The following SEMA3D variants were observed in gnomAD, a reference collection of about 807,000 sequenced individuals.
SEMA3D encodes semaphorin 3D.
SEMA3D carries 84 observed loss-of-function variants against 100.1 expected under a neutral mutation model. That is an observed-to-expected ratio of 0.84 (90% CI 0.70 to 1.01). The LOEUF is 1.01. Among genes scored for constraint, SEMA3D ranks in the 50% least tolerant of loss-of-function variants. The pLI is 0.00. For missense variants in SEMA3D, 875 were observed against 934.1 expected (o/e 0.94, Z 0.82); for synonymous variants, 312 against 320.7 (o/e 0.97, Z 0.29).
intron 9 of SEMA3D, among the ~76,000 whole-genome samples, chr7:85,053,953 A>C (rs2116067800): frequency 6.6e-6 from 1 of 151,772 alleles, no homozygotes; most frequent in Non-Finnish European, 1.5e-5. Context: ...GTGTGTGATG[A>C]GAAAACTCAT....
chr7:85,138,951 C>G (rs1211639686), intron 2 of SEMA3D, among the ~76,000 whole-genome samples: 2 of 151,854 alleles, frequency 1.3e-5, no homozygotes, highest in East Asian at 3.9e-4. Context: ...TGGACGTTCA[C>G]CTGGCAACAT....
chr7:85,072,255 T>A (rs899647581), intron 6 of SEMA3D, among the ~76,000 whole-genome samples: 5 of 152,202 alleles, frequency 3.3e-5, no homozygotes, highest in African/African-American at 1.2e-4. Context: ...TGACTCCTAA[T>A]TAATACATCC....
the SEMA3D span, among the ~76,000 whole-genome samples, chr7:85,227,513 A>T: frequency 2.6e-5 from 4 of 152,176 alleles, no homozygotes. Context: ...CCAGTACCTT[A>T]ATCTTGAATT....
chr7:85,109,407 A>G (rs10271522), intron 3 of SEMA3D, among the ~76,000 whole-genome samples: 3,203 of 152,034 alleles, frequency 0.021, 66 homozygotes, highest in South Asian at 0.081. Flanking sequence ...CTCTACTTAT[A>G]TTTCCACTGA....
chr7:85,126,407 GTGT>G, intron 2 of SEMA3D, among the ~76,000 whole-genome samples: 2 of 125,036 alleles, frequency 1.6e-5, no homozygotes, highest in African/African-American at 3.0e-5. Flanking sequence ...TGTGTGTCGT[GTGT>G]GTGTGTGTGT....
intron 2 of SEMA3D, among the ~76,000 whole-genome samples, chr7:85,128,426 C>A (rs370519772): frequency 6.6e-6 from 1 of 152,100 alleles, no homozygotes; most frequent in Middle Eastern, 3.2e-3. Flanking sequence ...GCCTCAGGCT[C>A]CCAAAGTGTT....
At chr7:85,060,245 A>C (rs1393482939) in intron 8 of SEMA3D, among the ~76,000 whole-genome samples, 1 of 152,222 alleles carries the variant, frequency 6.6e-6, no homozygotes, top group Non-Finnish European at 1.5e-5. Flanking sequence ...AAAAAGAGTT[A>C]GTGTCAAGTA....
intron 17 of SEMA3D, among the ~76,000 whole-genome samples, chr7:85,008,800 G>A (rs1252990623): frequency 6.6e-6 from 1 of 151,686 alleles, no homozygotes; most frequent in African/African-American, 2.4e-5. Context: ...CCACATTGGT[G>A]GCTGAGAAAA....
chr7:85,014,921 T>G, intron 16 of SEMA3D, 138 bp downstream of exon 16: 1 of 564,968 alleles, frequency 1.8e-6, no homozygotes, highest in Non-Finnish European at 2.8e-6. Context: ...TAAAACAACA[T>G]TTTGATTTTA....
intron 2 of SEMA3D, among the ~76,000 whole-genome samples, chr7:85,146,271 TTA>T (rs1790202242): frequency 6.6e-6 from 1 of 151,860 alleles, no homozygotes; most frequent in South Asian, 2.1e-4. Context: ...GTAAAAATCC[TTA>T]GCCAGGAGTG....
chr7:85,241,253 T>C, the SEMA3D span, among the ~76,000 whole-genome samples: 1 of 151,932 alleles, frequency 6.6e-6, no homozygotes, highest in Non-Finnish European at 1.5e-5. Flanking sequence ...TGGAAAACAG[T>C]ATAGTTTCCT....
chr7:85,148,156 A>G (rs995955127), intron 2 of SEMA3D, among the ~76,000 whole-genome samples: 1 of 152,220 alleles, frequency 6.6e-6, no homozygotes, highest in African/African-American at 2.4e-5. Context: ...ATAAGTAAAA[A>G]TTTGAATTTA....
intron 9 of SEMA3D, among the ~76,000 whole-genome samples, chr7:85,049,331 T>C (rs915852297): frequency 6.6e-6 from 1 of 151,524 alleles, no homozygotes; most frequent in African/African-American, 2.4e-5. Context: ...ACTAAGCAAA[T>C]AGAAGTGGAG....
rs915612073 is a variant in SEMA3D at position 85,066,263 on chromosome 7, G to C, written c.590-711C>G. 9.2e-5 allele frequency among the ~76,000 whole-genome samples: 14 copies of C among 151,860 alleles called. 1 individual carries two copies. Among genetic ancestry groups the C allele is most frequent in the Admixed American group, 9.2e-4 (14 of 15,220 alleles). ...CAAGGAGAAAAAGAGAGAGAAAGGAGAGAAGAACAAAGAAGACAGGAGAAG... is the reference window on the plus strand; with the variant it reads ...CAAGGAGAAAAAGAGAGAGAAAGGACAGAAGAACAAAGAAGACAGGAGAAG... On this transcript the variant is annotated intron_variant, in intron 7 of 18. Transcript: ENST00000284136.
At chr7:85,117,783 T>G (rs553305909) in intron 3 of SEMA3D, among the ~76,000 whole-genome samples, 87 of 147,978 alleles carry the variant, frequency 5.9e-4, no homozygotes, top group African/African-American at 2.2e-3. Context: ...TATGTATGTA[T>G]GTATGTATGT....
intron 3 of SEMA3D, among the ~76,000 whole-genome samples, chr7:85,102,702 T>G (rs750248236): frequency 1.3e-5 from 2 of 152,030 alleles, no homozygotes; most frequent in Non-Finnish European, 2.9e-5. Flanking sequence ...AGGAAGACTA[T>G]CCAGAGGTTC....
At chr7:85,090,628 T>C (rs1228200925) in intron 4 of SEMA3D, among the ~76,000 whole-genome samples, 1 of 152,184 alleles carries the variant, frequency 6.6e-6, no homozygotes, top group Non-Finnish European at 1.5e-5. Flanking sequence ...CACTATGTAA[T>C]AGACTTCTTA....
chr7:85,223,858 A>G, the SEMA3D span, among the ~76,000 whole-genome samples: 1 of 151,998 alleles, frequency 6.6e-6, no homozygotes, highest in South Asian at 2.1e-4. Context: ...AATCACCACT[A>G]ATGAACTTAT....
upstream of SEMA3D, among the ~76,000 whole-genome samples, chr7:85,187,457 T>A (rs1791592228): frequency 6.6e-6 from 1 of 152,146 alleles, no homozygotes; most frequent in Admixed American, 6.5e-5. Context: ...CAATCCACGG[T>A]TAATGGCCTT....
Sources: allele counts gnomAD v4.1 joint callset (sites outside exome capture counted in the v4.1 genomes callset), GRCh38; gene constraint gnomAD v4.1.1; transcripts MANE v1.5; gene names NCBI Gene and HGNC (gene_info 2026-07-23, HGNC 2026-07-21).